VPS26A: variants seen among roughly 807,000 people sequenced by gnomAD.
The protein encoded by VPS26A is VPS26 retromer complex component A, also known as vacuolar protein sorting-associated protein 26A.
A neutral mutation model predicts 42.4 loss-of-function variants in VPS26A; 22 were observed. The observed-to-expected ratio is 0.52, with a 90% CI of 0.37 to 0.74. VPS26A has a LOEUF of 0.74. VPS26A is among the 30% of genes least tolerant of loss of function. The pLI is 0.00. For missense variants in VPS26A, 276 were observed against 379.2 expected (o/e 0.73, Z 2.26); for synonymous variants, 110 against 123.5 (o/e 0.89, Z 0.73).
At chr10:69,150,874 AG>A (rs1841288762) in intron 2 of VPS26A, among the ~76,000 whole-genome samples, 1 of 152,154 alleles carries the variant, frequency 6.6e-6, no homozygotes, top group Admixed American at 6.5e-5. Context: ...ATCTGGGTAA[AG>A]GTTATGTGAG....
intron 1 of VPS26A, among the ~76,000 whole-genome samples, chr10:69,131,921 G>A (rs1306538683): frequency 7.4e-6 from 1 of 135,268 alleles, no homozygotes; most frequent in Non-Finnish European, 1.7e-5. Flanking sequence ...CAACTGATGT[G>A]TTTTGGCATT....
chr10:69,162,130 C>G (rs1251158205), intron 5 of VPS26A, among the ~76,000 whole-genome samples: 1 of 151,586 alleles, frequency 6.6e-6, no homozygotes, highest in Non-Finnish European at 1.5e-5. Flanking sequence ...TAGCAGGGAT[C>G]ACAAGCATGT....
chr10:69,169,702 G>A (rs1431409981), intron 8 of VPS26A, among the ~76,000 whole-genome samples: 6 of 151,758 alleles, frequency 4.0e-5, no homozygotes, highest in Non-Finnish European at 5.9e-5. Context: ...TTCACCTCCC[G>A]GGTTCAAGCA....
rs375925199 is a variant in VPS26A at position 69,173,782 on chromosome 10, C to G, written c.*2513C>G. On this transcript the variant is annotated 3_prime_UTR_variant, in exon 9 of 9. Coordinates refer to ENST00000263559, the MANE Select transcript of VPS26A (RefSeq NM_004896.5). ...TGGGAGGCTGAGGCGGGCAGATCACCTGAGTTCCAGGAGTTCGAGACCAGC... is the reference window on the plus strand; with the variant it reads ...TGGGAGGCTGAGGCGGGCAGATCACGTGAGTTCCAGGAGTTCGAGACCAGC... Among the ~76,000 whole-genome samples the G allele has an allele frequency of 2.8e-4, 43 of 152,032 alleles. 2 individuals are homozygous for G. The East Asian group carries it at 5.8e-3, about 21-fold the overall frequency.
chr10:69,165,362 G>C (rs1841662847), intron 6 of VPS26A, among the ~76,000 whole-genome samples: 1 of 151,894 alleles, frequency 6.6e-6, no homozygotes, highest in South Asian at 2.1e-4. Context: ...TCTCACCCAA[G>C]GCATGATCTC....
At chr10:69,130,407 A>T (rs2132184779) in intron 1 of VPS26A, among the ~76,000 whole-genome samples, 1 of 152,326 alleles carries the variant, frequency 6.6e-6, no homozygotes, top group South Asian at 2.1e-4. Context: ...GCTTGGCTCT[A>T]AGACAAGAAG....
At chr10:69,124,387 A>C in intron 1 of VPS26A, 107 bp downstream of exon 1, 1 of 1,172,560 alleles carries the variant, frequency 8.5e-7, no homozygotes. Context: ...ACGGGGGAGC[A>C]GGGCGGGGAG....
At chr10:69,131,223 G>T (rs965266916) in intron 1 of VPS26A, among the ~76,000 whole-genome samples, 2 of 152,148 alleles carry the variant, frequency 1.3e-5, no homozygotes, top group East Asian at 1.9e-4. Flanking sequence ...CAAGTGATCT[G>T]CCTGCCTTGG....
chr10:69,142,727 C>T lies in VPS26A; in HGVS notation c.153+9680C>T, dbSNP rs1345615370. 7.7e-5 allele frequency among the ~76,000 whole-genome samples: 11 copies of T among 143,180 alleles called. No individual in the cohort carries two copies. In the South Asian group the frequency reaches 2.0e-3, roughly 26 times the overall value. The allele number at this position is 143,180 out of a possible 152,430, so 93.9% of individuals were successfully genotyped here. ...ATAACAAATGCAAAAGAAAGCTTTC[C>T]CCCCACTATTCAAAAAAAAAAAAAA... On this transcript the variant is annotated intron_variant, in intron 2 of 8. Transcript: ENST00000263559.
At chr10:69,152,969 CAAAAA>C (rs11284955) in intron 2 of VPS26A, among the ~76,000 whole-genome samples, 1 of 129,590 alleles carries the variant, frequency 7.7e-6, no homozygotes, top group Non-Finnish European at 1.6e-5. Flanking sequence ...GGCTCTGTCT[CAAAAA>C]AAAAAAAAGA....
intron 2 of VPS26A, among the ~76,000 whole-genome samples, chr10:69,151,482 C>G (rs1314471071): frequency 6.7e-6 from 1 of 150,056 alleles, no homozygotes; most frequent in Non-Finnish European, 1.5e-5. Context: ...AAATTCTTGA[C>G]CCAGCTCACC....
At chr10:69,151,285 A>AAAAAAC (rs1414098287) in intron 2 of VPS26A, among the ~76,000 whole-genome samples, 3 of 131,598 alleles carry the variant, frequency 2.3e-5, no homozygotes, top group African/African-American at 8.6e-5. Context: ...AAAAAAAAAC[A>AAAAAAC]CACACACACA....
chr10:69,152,602 C>T (rs924548267), intron 2 of VPS26A, among the ~76,000 whole-genome samples: 6 of 152,032 alleles, frequency 3.9e-5, no homozygotes, highest in South Asian at 4.1e-4. Flanking sequence ...TTTCTTGTTC[C>T]TTGATTTCTG....
Position 69,174,139 on chromosome 10 carries a change from A to T in VPS26A, c.*2870A>T, listed in dbSNP as rs1398145436. 6.6e-6 allele frequency among the ~76,000 whole-genome samples: 1 copy of T among 152,168 alleles called. No homozygotes were observed. The highest frequency in any genetic ancestry group is 1.5e-5 in the Non-Finnish European group (1 of 68,030). ...AAGCTCTGTTCTTTCACTCTTCACG[A>T]TACATCTTGCTGCTGCTCACTCTGG... is the stretch of plus-strand genomic sequence containing the variant. On this transcript the variant is annotated 3_prime_UTR_variant, in exon 9 of 9. Coordinates refer to ENST00000263559, the MANE Select transcript of VPS26A (RefSeq NM_004896.5).
intron 5 of VPS26A, among the ~76,000 whole-genome samples, chr10:69,161,301 T>A (rs1276147823): frequency 6.6e-6 from 1 of 152,162 alleles, no homozygotes; most frequent in East Asian, 1.9e-4. Flanking sequence ...GTTCAAGCAA[T>A]CCTGTCGCCT....
At chr10:69,141,822 A>G (rs374676228) in intron 2 of VPS26A, among the ~76,000 whole-genome samples, 67 of 152,348 alleles carry the variant, frequency 4.4e-4, no homozygotes, top group Non-Finnish European at 5.9e-5. Context: ...TATAATAACA[A>G]TATTTACTGA....
intron 1 of VPS26A, among the ~76,000 whole-genome samples, chr10:69,132,604 G>A (rs1170834338): frequency 1.3e-5 from 2 of 151,792 alleles, no homozygotes; most frequent in Non-Finnish European, 2.9e-5. Flanking sequence ...CACCACGCCC[G>A]GCTAATTTTT....
At chr10:69,143,904 G>A (rs763869593) in intron 2 of VPS26A, among the ~76,000 whole-genome samples, 10 of 152,114 alleles carry the variant, frequency 6.6e-5, no homozygotes, top group African/African-American at 1.4e-4. Flanking sequence ...TTTTTGTAGA[G>A]TTGGGGTCTC....
At chr10:69,150,217 C>A (rs1307375355) in intron 2 of VPS26A, among the ~76,000 whole-genome samples, 2 of 151,730 alleles carry the variant, frequency 1.3e-5, no homozygotes, top group African/African-American at 2.4e-5. Context: ...TCACACCTGG[C>A]TAATTTTTGT....
Sources: gnomAD v4.1 joint callset for allele counts (sites outside exome capture counted in the v4.1 genomes callset) on GRCh38, gnomAD v4.1.1 for gene constraint, MANE v1.5 for transcripts, NCBI Gene and HGNC (gene_info 2026-07-23, HGNC 2026-07-21) for gene names.